Variants in USP3 observed in about 807,000 individuals in gnomAD.
USP3 encodes ubiquitin carboxyl-terminal hydrolase 3.
USP3 carries 20 observed loss-of-function variants against 72.3 expected under a neutral mutation model. The observed-to-expected ratio is 0.28, with a 90% CI of 0.19 to 0.40. The LOEUF (loss-of-function observed/expected upper bound fraction) is 0.40. Among genes scored for constraint, USP3 ranks in the 10% least tolerant of loss-of-function variants. The pLI is 1.00. For synonymous variants in USP3, 222 were observed against 225.3 expected, an observed-to-expected ratio of 0.99 and a Z score of 0.13; for missense variants, 479 against 633.9, an observed-to-expected ratio of 0.76 and a Z score of 2.62.
chr15:63,586,871 T>G (rs1397886152), intron 11 of USP3: 1 of 152,068 alleles, frequency 6.6e-6, no homozygotes. Context: ...GAGGCGAGAA[T>G]TGAGTTGTAG....
intron 8 of USP3, among the ~76,000 whole-genome samples, chr15:63,566,535 A>C (rs548157340): frequency 2.0e-5 from 3 of 152,058 alleles, no homozygotes; most frequent in Admixed American, 6.6e-5. Context: ...GGCTGGTCTC[A>C]AACTCCTGAC....
intron 2 of USP3, chr15:63,533,804 A>G (rs1595721155): frequency 2.4e-6 from 3 of 1,225,132 alleles, no homozygotes; most frequent in Non-Finnish European, 3.2e-6. Flanking sequence ...AATCTCTAGG[A>G]TTTGGGGAAC....
chr15:63,583,757 T>C (rs961584187), intron 11 of USP3, among the ~76,000 whole-genome samples: 2 of 152,200 alleles, frequency 1.3e-5, no homozygotes, highest in African/African-American at 2.4e-5. Context: ...TGGCTTAACT[T>C]AGTGTATATT....
chr15:63,580,672 A>AAC (rs1555396921), intron 11 of USP3, among the ~76,000 whole-genome samples: 2 of 56,522 alleles, frequency 3.5e-5, no homozygotes, highest in Non-Finnish European at 4.2e-5. Flanking sequence ...TATATATATG[A>AAC]ATATATAATA....
intron 3 of USP3, among the ~76,000 whole-genome samples, chr15:63,547,840 G>C (rs2066368104): frequency 9.3e-6 from 1 of 107,754 alleles, no homozygotes; most frequent in South Asian, 2.9e-4. Context: ...GAGAGAGGGA[G>C]GGAGGGAGAG....
intron 9 of USP3, among the ~76,000 whole-genome samples, chr15:63,572,984 A>C (rs974796841): frequency 2.6e-5 from 4 of 152,174 alleles, no homozygotes; most frequent in African/African-American, 7.2e-5. Flanking sequence ...GACTAGATGG[A>C]AAGAATGTGC....
chr15:63,576,681 C>T (rs747282167), intron 11 of USP3, among the ~76,000 whole-genome samples: 3 of 152,192 alleles, frequency 2.0e-5, no homozygotes, highest in African/African-American at 4.8e-5. Context: ...GGGGCCCAGA[C>T]CATCCCAAGT....
Position 63,544,856 on chromosome 15 carries a change from T to G in USP3, c.284+7700T>G. On this transcript the variant is annotated intron_variant, in intron 3 of 14. Coordinates refer to ENST00000380324, the MANE Select transcript of USP3 (RefSeq NM_006537.4). The surrounding 1 kb of genome is among the most constrained non-coding windows in gnomAD (Gnocchi z 4.2). ...GAATATCTAAGCAAGGCTGACATTG[T>G]GGGGACCATCAAATACTATACTTAG... 2 of 631,576 alleles carry G rather than the reference T, an allele frequency of 3.2e-6. No individual in the cohort carries two copies. The highest frequency in any genetic ancestry group is 5.7e-6 in the Non-Finnish European group (2 of 353,180). 39.1% of individuals were successfully genotyped at this position (631,576 alleles called of 1,614,324 possible). A position where few individuals can be genotyped will look rare whatever the true frequency, so the allele number is the denominator to read the frequency against.
chr15:63,574,334 G>C lies in USP3; in HGVS notation c.1027G>C (p.Asp343His). The change falls in exon 11 of 15, where the codon GAT becomes CAT. Residue 343 changes from aspartate to histidine, a missense_variant. By Grantham distance (81) the Asp-to-His change is moderately conservative. Transcript: ENST00000380324. The surrounding 1 kb of genome is among the most constrained non-coding windows in gnomAD (Gnocchi z 4.6). ...TCTCTCCTTTTAAGACCTTTCATTA[G>C]ATATTCCAAGTCAGTTCAGAAGTAA... ...KFDPFLDLSL[D>H]IPSQFRSKRS... is the part of the protein sequence containing the mutation. 1 of 1,596,198 alleles carries C rather than the reference G, an allele frequency of 6.3e-7. No individual in the cohort carries two copies. Among genetic ancestry groups the C allele is most frequent in the Non-Finnish European group, 8.5e-7 (1 of 1,172,986 alleles).
intron 1 of USP3, among the ~76,000 whole-genome samples, chr15:63,511,225 T>C (rs939375388): frequency 7.9e-6 from 1 of 127,030 alleles, no homozygotes; most frequent in African/African-American, 2.9e-5. Context: ...AGCCCAAAGC[T>C]TAAACTCTAA....
At chr15:63,546,387 A>G (rs1403836613) in intron 3 of USP3, among the ~76,000 whole-genome samples, 2 of 152,216 alleles carry the variant, frequency 1.3e-5, no homozygotes, top group Admixed American at 1.3e-4. Context: ...GGACCAATCT[A>G]CACGTTTTTG....
At chr15:63,522,930 T>A (rs2065938010) in intron 1 of USP3, among the ~76,000 whole-genome samples, 1 of 152,218 alleles carries the variant, frequency 6.6e-6, no homozygotes, top group Non-Finnish European at 1.5e-5. Context: ...GTTTGATGTA[T>A]TCTAATAAAG....
At chr15:63,575,513 T>G (rs1437747215) in intron 11 of USP3, among the ~76,000 whole-genome samples, 2 of 152,164 alleles carry the variant, frequency 1.3e-5, no homozygotes, top group African/African-American at 4.8e-5. Flanking sequence ...TGTCAGATGA[T>G]ATGTGGGATG....
chr15:63,533,136 A>G (rs1050208533), intron 2 of USP3, among the ~76,000 whole-genome samples: 2 of 152,038 alleles, frequency 1.3e-5, no homozygotes, highest in African/African-American at 4.8e-5. Context: ...TTTTTCACCT[A>G]TTACCTACCC....
At chr15:63,513,500 C>T (rs1234349535) in intron 1 of USP3, among the ~76,000 whole-genome samples, 3 of 152,160 alleles carry the variant, frequency 2.0e-5, no homozygotes, top group Non-Finnish European at 4.4e-5. Flanking sequence ...CCACTTCAGC[C>T]TCCCAAGTAG....
At chr15:63,573,408 C>G (rs939362258) in intron 9 of USP3, among the ~76,000 whole-genome samples, 1 of 152,098 alleles carries the variant, frequency 6.6e-6, no homozygotes, top group African/African-American at 2.4e-5. Flanking sequence ...GTTCTTAAAA[C>G]AGTATATTCT....
intron 5 of USP3, among the ~76,000 whole-genome samples, chr15:63,557,628 C>T (rs1015156543): frequency 6.6e-6 from 1 of 152,196 alleles, no homozygotes; most frequent in African/African-American, 2.4e-5. Context: ...CGCCTGGCCT[C>T]AGGCAGCTTT....
At chr15:63,514,824 A>T (rs2065830786) in intron 1 of USP3, among the ~76,000 whole-genome samples, 1 of 152,102 alleles carries the variant, frequency 6.6e-6, no homozygotes, top group East Asian at 1.9e-4. Flanking sequence ...GACCTGATTC[A>T]TGTCTTTTGA....
chr15:63,537,893 C>T (rs750789562), intron 3 of USP3, among the ~76,000 whole-genome samples: 1 of 152,088 alleles, frequency 6.6e-6, no homozygotes, highest in African/African-American at 2.4e-5. Context: ...CCATGTTGGT[C>T]AGGTTGGTCT....
Sources: gnomAD v4.1 joint callset for allele counts (sites outside exome capture counted in the v4.1 genomes callset) on GRCh38, gnomAD v4.1.1 for gene constraint, Gnocchi (gnomAD v3.1) non-coding constraint, MANE v1.5 for transcripts, NCBI Gene and HGNC (gene_info 2026-07-23, HGNC 2026-07-21) for gene names.